Variants in AVL9 observed in about 807,000 individuals in gnomAD.
The protein encoded by AVL9 is late secretory pathway protein AVL9 homolog.
In AVL9, 49 loss-of-function variants were observed where a neutral mutation model predicts 79.2. The ratio of observed to expected loss-of-function variants is 0.62; its 90% CI spans 0.49 to 0.79. The LOEUF is 0.79. Among genes scored for constraint, AVL9 ranks in the 30% least tolerant of loss-of-function variants. AVL9 has a pLI of 0.00. For synonymous variants in AVL9, 299 were observed against 280.6 expected (o/e 1.07, Z -0.65); for missense variants, 682 against 776.8 (o/e 0.88, Z 1.45).
At position 32,573,188 on chromosome 7, in the gene AVL9, A is replaced by G. The variant is rs777460281; in HGVS notation, c.1351-11A>G. 6 of 1,612,198 alleles carry G rather than the reference A, an allele frequency of 3.7e-6. No individual in the cohort carries two copies. In the African/African-American group the frequency reaches 5.3e-5, roughly 14 times the overall value. ...TGCCCAGACTCTGACTTGTACCTGG[A>G]TACCCTCTAGGTAGAAGAAGCTCTG... On this transcript the variant is annotated splice_polypyrimidine_tract_variant and intron_variant, in intron 11 of 15. Transcript: ENST00000318709.
chr7:32,516,588 C>T lies in AVL9; in HGVS notation c.93+20786C>T, dbSNP rs531407297. Among the ~76,000 whole-genome samples the T allele has an allele frequency of 3.3e-5, 5 of 152,154 alleles. No individual in the cohort carries two copies. The South Asian group carries it at 1.0e-3, about 32-fold the overall frequency. On this transcript the variant is annotated intron_variant, in intron 1 of 15. Coordinates refer to ENST00000318709, the MANE Select transcript of AVL9 (RefSeq NM_015060.3). ...CAGCAGCCCTACAGGGAATCCCCAA[C>T]AAAATTAGTTTTAAAAGGCTTGTCC...
chr7:32,569,488 C>G (rs1042536426), intron 10 of AVL9, among the ~76,000 whole-genome samples: 12 of 152,186 alleles, frequency 7.9e-5, no homozygotes, highest in Admixed American at 3.3e-4. Context: ...CTACCAGTGT[C>G]ATTTTTGCTT....
In AVL9 at chr7:32,580,721, G is replaced by GTC. The variant is rs1791457143; in HGVS notation, c.1743-80_1743-79insCT. The GTC allele has an allele frequency of 5.8e-6, 5 of 856,888 alleles. No individual in the cohort carries two copies. In the Admixed American group the frequency reaches 1.1e-4, roughly 18 times the overall value. The allele number at this position is 856,888 out of a possible 1,614,324, so 53.1% of individuals were successfully genotyped here. A position where few individuals can be genotyped will look rare whatever the true frequency, so the allele number is the denominator to read the frequency against. ...TGGTTACAGAGTGACTATTGTGTGT[G>GTC]TGTCTATATGTGTCTGTGTGCGTGT... On this transcript the variant is annotated intron_variant, in intron 14 of 15. Transcript: ENST00000318709.
chr7:32,584,660 G>A lies in AVL9; in HGVS notation c.*753G>A, dbSNP rs1383846510. 1 of 151,874 alleles carries A rather than the reference G, an allele frequency of 6.6e-6. No individual in the cohort carries two copies. Among genetic ancestry groups the A allele is most frequent in the East Asian group, 1.9e-4 (1 of 5,166 alleles). 9.4% of individuals were successfully genotyped at this position (151,874 alleles called of 1,614,324 possible). On this transcript the variant is annotated 3_prime_UTR_variant, in exon 16 of 16. Coordinates refer to ENST00000318709, the MANE Select transcript of AVL9 (RefSeq NM_015060.3). ...AGTTTAACATGAATGTGTCTGTAGG[G>A]CAATACTTTCAAAGAAGACCTATGT...
rs1267779189 is a variant in AVL9 at position 32,584,780 on chromosome 7, G to A, written c.*873G>A. 2 of 61,766 alleles carry A rather than the reference G, an allele frequency of 3.2e-5. 1 individual carries two copies. The highest frequency in any genetic ancestry group is 6.7e-5 in the Non-Finnish European group (2 of 29,750). The allele number at this position is 61,766 out of a possible 1,614,324, so 3.8% of individuals were successfully genotyped here. On this transcript the variant is annotated 3_prime_UTR_variant, in exon 16 of 16. Transcript: ENST00000318709. ...TCTGTTTCTCTTTTTTTTTTTGGGGGGGGGGGGGGGGCGGGGTCTCACTCT... is the reference window on the plus strand; with the variant it reads ...TCTGTTTCTCTTTTTTTTTTTGGGGAGGGGGGGGGGGCGGGGTCTCACTCT...
At position 32,585,487 on chromosome 7, in the gene AVL9, C is replaced by G. The variant is rs3801332; in HGVS notation, c.*1580C>G. 1 of 151,910 alleles carries G rather than the reference C, an allele frequency of 6.6e-6. No individual in the cohort carries two copies. Among genetic ancestry groups the G allele is most frequent in the Non-Finnish European group, 1.5e-5 (1 of 68,006 alleles). 9.4% of individuals were successfully genotyped at this position (151,910 alleles called of 1,614,324 possible). On this transcript the variant is annotated 3_prime_UTR_variant, in exon 16 of 16. Transcript: ENST00000318709. ...GATGGCTGTTCTCAGAGAGTACTTA[C>G]GGGGAACAGACTGCCTTTTAGTAAC...
At chr7:32,512,795 T>A (rs552503347) in intron 1 of AVL9, among the ~76,000 whole-genome samples, 32 of 152,212 alleles carry the variant, frequency 2.1e-4, no homozygotes, top group African/African-American at 7.7e-4. Context: ...TAAAACTCCC[T>A]CCCCTTCTAA....
chr7:32,495,775 C>G lies in AVL9; in HGVS notation c.66C>G (p.Val22=). 3.2e-6 allele frequency: 4 copies of G among 1,259,778 alleles called. 1 individual carries two copies. The South Asian group carries it at 1.4e-4, about 43-fold the overall frequency. The allele number at this position is 1,259,778 out of a possible 1,614,324, so 78.0% of individuals were successfully genotyped here. ...GGCCCGTACTGCACATCGTGGTGGT[C>G]GGATTTCACCACAAGAAGGGCTGCC... is the stretch of plus-strand genomic sequence containing the variant. ...PRGPVLHIVV[V]GFHHKKGCQV... is the part of the protein sequence containing the mutation. Residue 22 remains valine (V), a synonymous_variant, in exon 1 of 16, where the codon GTC becomes GTG. Transcript: ENST00000318709.
chr7:32,579,594 A>T (rs1359803939), intron 13 of AVL9, among the ~76,000 whole-genome samples: 1 of 33,764 alleles, frequency 3.0e-5, no homozygotes, highest in Non-Finnish European at 5.3e-5. Flanking sequence ...TATATTATAT[A>T]TTATATATTA....
At chr7:32,540,871 C>CTTTTTTTTTTTTTTTTTTT (rs749306635) in intron 1 of AVL9, among the ~76,000 whole-genome samples, 1 of 72,468 alleles carries the variant, frequency 1.4e-5, no homozygotes, top group Non-Finnish European at 2.6e-5. Context: ...TGTTGTACTA[C>CTTTTTTTTTTTTTTTTTTT]TTTTTTTTTT....
intron 8 of AVL9, among the ~76,000 whole-genome samples, chr7:32,556,708 C>T (rs1790079576): frequency 6.6e-6 from 1 of 152,020 alleles, no homozygotes; most frequent in Non-Finnish European, 1.5e-5. Flanking sequence ...CAATTCAGTG[C>T]TATTAAGTAC....
chr7:32,500,485 C>A (rs1787075468), intron 1 of AVL9, among the ~76,000 whole-genome samples: 1 of 152,022 alleles, frequency 6.6e-6, no homozygotes, highest in Admixed American at 6.6e-5. Context: ...GGATATTAGG[C>A]CTTTGTCAGA....
chr7:32,549,739 C>T (rs1789713666), intron 4 of AVL9, among the ~76,000 whole-genome samples: 2 of 143,690 alleles, frequency 1.4e-5, no homozygotes, highest in South Asian at 4.5e-4. Flanking sequence ...ATGCTGAAAC[C>T]CTGTCTCTAC....
At chr7:32,554,871 T>C (rs1309992326) in intron 8 of AVL9, among the ~76,000 whole-genome samples, 1 of 152,166 alleles carries the variant, frequency 6.6e-6, no homozygotes, top group Non-Finnish European at 1.5e-5. Context: ...AGTGGCTCCA[T>C]AGTGTAATTA....
At chr7:32,530,478 C>T (rs1314034656) in intron 1 of AVL9, among the ~76,000 whole-genome samples, 1 of 152,144 alleles carries the variant, frequency 6.6e-6, no homozygotes, top group East Asian at 1.9e-4. Context: ...TCAATAAATG[C>T]CAAATCCTTA....
chr7:32,578,083 G>T (rs551297813), intron 13 of AVL9, among the ~76,000 whole-genome samples: 1 of 152,244 alleles, frequency 6.6e-6, no homozygotes, highest in South Asian at 2.1e-4. Context: ...GAAAGAATTG[G>T]GGGCTTGGAG....
At chr7:32,513,269 TA>T (rs1380656612) in intron 1 of AVL9, among the ~76,000 whole-genome samples, 3 of 152,114 alleles carry the variant, frequency 2.0e-5, no homozygotes, top group Non-Finnish European at 1.5e-5. Context: ...CAGGGCACCC[TA>T]AAATTTAACC....
chr7:32,577,618 GCC>G (rs1791160232), intron 13 of AVL9, among the ~76,000 whole-genome samples: 1 of 152,104 alleles, frequency 6.6e-6, no homozygotes, highest in Admixed American at 6.6e-5. Flanking sequence ...TCCTCCCTGG[GCC>G]CTGCACTGGG....
At chr7:32,570,999 G>A (rs1184889155) in intron 11 of AVL9, among the ~76,000 whole-genome samples, 1 of 147,106 alleles carries the variant, frequency 6.8e-6, no homozygotes, top group African/African-American at 2.5e-5. Flanking sequence ...GGAGGCCGAG[G>A]TGGGTAGATC....
Sources: gnomAD v4.1 joint callset for allele counts (sites outside exome capture counted in the v4.1 genomes callset) on GRCh38, gnomAD v4.1.1 for gene constraint, MANE v1.5 for transcripts, NCBI Gene and HGNC (gene_info 2026-07-23, HGNC 2026-07-21) for gene names.